Variants in SPMAP2L observed in about 807,000 individuals in gnomAD.
The protein encoded by SPMAP2L is sperm microtubule associated protein 2 like, also known as sperm microtubule associated protein 2-like.
chr4:56,612,939 T>G, the SPMAP2L span, among the ~76,000 whole-genome samples: 1 of 152,166 alleles, frequency 6.6e-6, no homozygotes, highest in Non-Finnish European at 1.5e-5. Flanking sequence ...TTGAAGGGAT[T>G]CAAAATCTTT....
chr4:56,543,949 A>AGTGT, the SPMAP2L span, among the ~76,000 whole-genome samples: 9 of 115,870 alleles, frequency 7.8e-5, 1 homozygote, highest in South Asian at 2.0e-3. Flanking sequence ...AGAGAGAGAG[A>AGTGT]GTGTGTGTGT....
At chr4:56,569,773 G>T in the SPMAP2L span, among the ~76,000 whole-genome samples, 46 of 152,186 alleles carry the variant, frequency 3.0e-4, no homozygotes, top group South Asian at 1.2e-3. Context: ...TTCCAGCATG[G>T]GTGATAGAGT....
At chr4:56,611,666 A>G in the SPMAP2L span, among the ~76,000 whole-genome samples, 1 of 152,138 alleles carries the variant, frequency 6.6e-6, no homozygotes, top group Non-Finnish European at 1.5e-5. Context: ...CTGCCTCACA[A>G]CCTCTGCAGC....
At chr4:56,569,989 C>T in the SPMAP2L span, among the ~76,000 whole-genome samples, 1 of 152,196 alleles carries the variant, frequency 6.6e-6, no homozygotes. Context: ...GAACATAAAA[C>T]TGTATATATA....
At chr4:56,575,165 C>T in the SPMAP2L span, among the ~76,000 whole-genome samples, 70 of 151,712 alleles carry the variant, frequency 4.6e-4, no homozygotes, top group South Asian at 5.8e-3. Flanking sequence ...AGGAGAATGG[C>T]GTGAACCTGG....
At chr4:56,622,633 G>A in the SPMAP2L span, among the ~76,000 whole-genome samples, 18 of 152,082 alleles carry the variant, frequency 1.2e-4, no homozygotes, top group African/African-American at 4.3e-4. Context: ...GTTTTGCTCA[G>A]GCAGAGAACC....
chr4:56,609,298 C>T, the SPMAP2L span, among the ~76,000 whole-genome samples: 2 of 152,116 alleles, frequency 1.3e-5, no homozygotes, highest in Non-Finnish European at 2.9e-5. Context: ...GCCTTGGCCT[C>T]CCAAAGTGCT....
the SPMAP2L span, chr4:56,559,503 C>A: frequency 2.0e-6 from 3 of 1,523,766 alleles, no homozygotes; most frequent in South Asian, 2.5e-5. Context: ...AAGTTTCCTG[C>A]CACTATGTAC....
the SPMAP2L span, among the ~76,000 whole-genome samples, chr4:56,558,868 T>C: frequency 6.6e-6 from 1 of 152,164 alleles, no homozygotes; most frequent in Non-Finnish European, 1.5e-5. Flanking sequence ...ATATATTTTA[T>C]GCATCCTTAT....
the SPMAP2L span, among the ~76,000 whole-genome samples, chr4:56,571,326 C>CTT: frequency 6.5e-3 from 934 of 143,342 alleles, 8 homozygotes; most frequent in East Asian, 0.032. Context: ...ACTTTTAAAA[C>CTT]TTTTTTTTTT....
chr4:56,595,454 T>C, the SPMAP2L span: 51 of 1,604,646 alleles, frequency 3.2e-5, no homozygotes, highest in South Asian at 5.1e-4. Flanking sequence ...GTTGCTGACA[T>C]TGAGGAGGGC....
the SPMAP2L span, among the ~76,000 whole-genome samples, chr4:56,611,641 T>C: frequency 2.0e-5 from 3 of 152,228 alleles, no homozygotes; most frequent in South Asian, 4.2e-4. Flanking sequence ...CCAGGCCACA[T>C]ATGGCAACAG....
chr4:56,619,386 C>A, the SPMAP2L span, among the ~76,000 whole-genome samples: 1 of 152,150 alleles, frequency 6.6e-6, no homozygotes, highest in African/African-American at 2.4e-5. Flanking sequence ...TTGTTAGTAC[C>A]GTTCCATTTC....
chr4:56,618,526 G>A, the SPMAP2L span, among the ~76,000 whole-genome samples: 3 of 152,208 alleles, frequency 2.0e-5, no homozygotes, highest in Admixed American at 6.5e-5. Context: ...TGTCCTTTAC[G>A]GTGTGGCAGA....
chr4:56,625,693 C>T, the SPMAP2L span, among the ~76,000 whole-genome samples: 4 of 152,148 alleles, frequency 2.6e-5, no homozygotes, highest in East Asian at 3.8e-4. Flanking sequence ...TTTCACCTCC[C>T]GCCATGATTC....
chr4:56,613,928 G>A, the SPMAP2L span, among the ~76,000 whole-genome samples: 113 of 152,310 alleles, frequency 7.4e-4, 1 homozygote, highest in African/African-American at 2.4e-3. Context: ...ATGGAAAGAC[G>A]AATAGCGCTG....
chr4:56,601,166 A>G, the SPMAP2L span: 7,156 of 1,463,264 alleles, frequency 4.9e-3, 260 homozygotes, highest in African/African-American at 0.08. Flanking sequence ...GGGGAGAGGG[A>G]GAAAGTTGAC....
At chr4:56,592,472 C>T in the SPMAP2L span, among the ~76,000 whole-genome samples, 1 of 152,246 alleles carries the variant, frequency 6.6e-6, no homozygotes, top group South Asian at 2.1e-4. Flanking sequence ...CAACTTTGCG[C>T]GAGTGTCTTG....
At chr4:56,572,099 C>A in the SPMAP2L span, among the ~76,000 whole-genome samples, 39 of 151,998 alleles carry the variant, frequency 2.6e-4, no homozygotes, top group African/African-American at 8.0e-4. Context: ...TACATAAACC[C>A]GTAACATGTA....
Sources: allele counts gnomAD v4.1 joint callset (sites outside exome capture counted in the v4.1 genomes callset), GRCh38; gene constraint gnomAD v4.1.1; transcripts MANE v1.5; gene names NCBI Gene and HGNC (gene_info 2026-07-23, HGNC 2026-07-21).